Variants in OTUD7A observed in about 807,000 individuals in gnomAD.
OTUD7A encodes the protein OTU deubiquitinase 7A.
A neutral mutation model predicts 65.7 loss-of-function variants in OTUD7A; 12 were observed. The observed-to-expected ratio is 0.18, with a 90% CI of 0.12 to 0.30. The LOEUF is 0.30. Among genes scored for constraint, OTUD7A ranks in the 10% least tolerant of loss-of-function variants. The pLI is 1.00. For missense variants in OTUD7A, 1,148 were observed against 1,304.8 expected, an observed-to-expected ratio of 0.88 and a Z score of 1.85; for synonymous variants, 641 against 586.3, an observed-to-expected ratio of 1.09 and a Z score of -1.35.
chr15:31,526,109 G>A lies in OTUD7A; in HGVS notation c.893+240C>T, dbSNP rs146567621. ...AGGCAGCTCATGTGAGCTCACCTCT[G>A]CCTGCATAGTGCATGTGGGGGCTGC... On this transcript the variant is annotated intron_variant, in intron 8 of 12. Transcript: ENST00000307050. Among the ~76,000 whole-genome samples the A allele has an allele frequency of 7.0e-4, 106 of 152,308 alleles. 1 individual carries two copies. Among genetic ancestry groups the A allele is most frequent in the Non-Finnish European group, 1.3e-3 (88 of 68,020 alleles).
chr15:31,724,276 T>C (rs777649012), intron 1 of OTUD7A, among the ~76,000 whole-genome samples: 19 of 152,304 alleles, frequency 1.2e-4, no homozygotes, highest in East Asian at 7.7e-4. Flanking sequence ...CTATGGCTTG[T>C]GGGGTTTTGG....
At chr15:31,691,450 T>A (rs1408339060) in intron 1 of OTUD7A, among the ~76,000 whole-genome samples, 2 of 152,178 alleles carry the variant, frequency 1.3e-5, no homozygotes, top group Admixed American at 1.3e-4. Flanking sequence ...AACAGCCAAC[T>A]CAGTTTCAAC....
intron 5 of OTUD7A, among the ~76,000 whole-genome samples, chr15:31,537,844 T>C (rs937341644): frequency 6.6e-6 from 1 of 152,126 alleles, no homozygotes; most frequent in Admixed American, 6.5e-5. Context: ...GGAACATGAG[T>C]AGACAATCAG....
intron 1 of OTUD7A, among the ~76,000 whole-genome samples, chr15:31,852,819 TCATTA>T (rs1208773240): frequency 2.6e-5 from 4 of 152,258 alleles, no homozygotes; most frequent in Non-Finnish European, 5.9e-5. Context: ...AATTTAATAT[TCATTA>T]CATTAATGAT....
chr15:31,737,227 T>TTA (rs1208245363), intron 1 of OTUD7A, among the ~76,000 whole-genome samples: 1 of 152,168 alleles, frequency 6.6e-6, no homozygotes, highest in East Asian at 1.9e-4. Context: ...ATTAATATAC[T>TTA]TAGAAAAATC....
At position 31,696,145 on chromosome 15, in the gene OTUD7A, A is replaced by AG. The variant is rs1459805484; in HGVS notation, c.-99-39069dup. Among the ~76,000 whole-genome samples, 4 of 142,494 alleles carry AG rather than the reference A, an allele frequency of 2.8e-5. No homozygotes were observed. In the East Asian group the frequency reaches 7.1e-4, roughly 25 times the overall value. The allele number at this position is 142,494 out of a possible 152,430, so 93.5% of individuals were successfully genotyped here. A position where few individuals can be genotyped will look rare whatever the true frequency, so the allele number is the denominator to read the frequency against. ...GTGTGAGTGACAGGGCACAGGGTTG[A>AG]GGGGGGCACAAGGGGCTGGGGGTGG... On this transcript the variant is annotated intron_variant, in intron 1 of 12. Coordinates refer to ENST00000307050, the MANE Select transcript of OTUD7A (RefSeq NM_001382637.1).
rs561106625 is a variant in OTUD7A, at chr15:31,628,761, A to C, written c.151+26335T>G. Among the ~76,000 whole-genome samples, 52 of 151,936 alleles carry C rather than the reference A, an allele frequency of 3.4e-4. 1 individual carries two copies. The highest frequency in any genetic ancestry group is 8.5e-4 in the African/African-American group (35 of 41,368). On this transcript the variant is annotated intron_variant, in intron 3 of 12. Transcript: ENST00000307050. ...TCTTCCATTTGTTTGTATCCTCTTT[A>C]ATTTCATTGAGCAGTGGTTTGTAGT...
At chr15:31,502,473 T>C (rs916804117) in intron 9 of OTUD7A, among the ~76,000 whole-genome samples, 3 of 152,222 alleles carry the variant, frequency 2.0e-5, no homozygotes, top group African/African-American at 7.2e-5. Context: ...TCTTTACTTT[T>C]GGCCCTAGAG....
chr15:31,867,432 T>C (rs1002008049), intron 1 of OTUD7A, among the ~76,000 whole-genome samples: 1 of 152,046 alleles, frequency 6.6e-6, no homozygotes, highest in Non-Finnish European at 1.5e-5. Context: ...GCCCCTTCCC[T>C]CCTCCACCAG....
At chr15:31,858,860 TC>T (rs1345825994) in intron 1 of OTUD7A, among the ~76,000 whole-genome samples, 3 of 152,166 alleles carry the variant, frequency 2.0e-5, no homozygotes, top group Admixed American at 6.5e-5. Context: ...AGACCAACTA[TC>T]ACCAGGTGAG....
At chr15:31,626,871 C>T (rs1014726012) in intron 3 of OTUD7A, among the ~76,000 whole-genome samples, 27 of 151,108 alleles carry the variant, frequency 1.8e-4, no homozygotes, top group Admixed American at 1.4e-3. Context: ...CCACTGCACC[C>T]GGCCTATATT....
intron 8 of OTUD7A, among the ~76,000 whole-genome samples, chr15:31,514,131 G>A (rs905231561): frequency 2.0e-5 from 3 of 147,628 alleles, no homozygotes; most frequent in Non-Finnish European, 3.0e-5. Context: ...ATAGCTCACT[G>A]CAGCCTCGAA....
chr15:31,788,401 C>T lies in OTUD7A; in HGVS notation c.-100+82106G>A, dbSNP rs79386695. On this transcript the variant is annotated intron_variant, in intron 1 of 12. Coordinates refer to ENST00000307050, the MANE Select transcript of OTUD7A (RefSeq NM_001382637.1). The stretch of plus-strand genomic sequence containing the variant: ...GGGCGGGAACCATGGCCATGTTTGC[C>T]ATGTCTTCAGATGGATGGTCCTTTC... Among the ~76,000 whole-genome samples, 1,376 of 152,266 alleles carry T rather than the reference C, an allele frequency of 9.0e-3. 11 individuals are homozygous for T. Among genetic ancestry groups the T allele is most frequent in the Middle Eastern group, 0.017 (5 of 294 alleles).
At chr15:31,826,787 A>G (rs1896808021) in intron 1 of OTUD7A, among the ~76,000 whole-genome samples, 3 of 152,200 alleles carry the variant, frequency 2.0e-5, no homozygotes, top group African/African-American at 7.2e-5. Flanking sequence ...TCTTCCACCA[A>G]GTACCCTAAA....
chr15:31,834,058 G>A (rs771865733), intron 1 of OTUD7A, among the ~76,000 whole-genome samples: 29 of 152,214 alleles, frequency 1.9e-4, no homozygotes, highest in Admixed American at 3.3e-4. Context: ...TTACATTAAG[G>A]ACATCTGTCC....
chr15:31,546,185 A>G (rs1396029635), intron 5 of OTUD7A, among the ~76,000 whole-genome samples: 2 of 152,182 alleles, frequency 1.3e-5, no homozygotes, highest in Non-Finnish European at 2.9e-5. Flanking sequence ...CAAATTCCCT[A>G]TGGATACTGA....
chr15:31,543,671 A>C (rs568472414), intron 5 of OTUD7A, among the ~76,000 whole-genome samples: 8 of 151,972 alleles, frequency 5.3e-5, no homozygotes, highest in African/African-American at 1.9e-4. Flanking sequence ...CACCCTCTAC[A>C]CTGTTCAACT....
chr15:31,696,805 C>T (rs1426635636), intron 1 of OTUD7A, among the ~76,000 whole-genome samples: 1 of 151,366 alleles, frequency 6.6e-6, no homozygotes, highest in Non-Finnish European at 1.5e-5. Flanking sequence ...GTGTCTGCAG[C>T]CTTTCAGGGC....
chr15:31,867,757 G>A (rs1209440986), intron 1 of OTUD7A, among the ~76,000 whole-genome samples: 3 of 152,198 alleles, frequency 2.0e-5, no homozygotes, highest in African/African-American at 4.8e-5. Flanking sequence ...AGTGTGCTAA[G>A]AGCCACCTTC....
Sources: gnomAD v4.1 joint callset for allele counts (sites outside exome capture counted in the v4.1 genomes callset) on GRCh38, gnomAD v4.1.1 for gene constraint, MANE v1.5 for transcripts, NCBI Gene and HGNC (gene_info 2026-07-23, HGNC 2026-07-21) for gene names.